PCDHGA11: variants seen among roughly 807,000 people sequenced by gnomAD.
PCDHGA11 encodes the protein protocadherin gamma subfamily A, 11.
In PCDHGA11, 39 loss-of-function variants were observed where a neutral mutation model predicts 60.4. That is an observed-to-expected ratio of 0.65 (90% CI 0.50 to 0.84). The LOEUF (loss-of-function observed/expected upper bound fraction) is 0.84. Ranked by LOEUF, PCDHGA11 falls within the 40% of genes least tolerant of loss-of-function variation. The probability of loss-of-function intolerance (pLI) is 0.00; values close to 1 mark genes in which losing one functional copy is unlikely to be tolerated. For synonymous variants in PCDHGA11, 533 were observed against 510.3 expected (o/e 1.04, Z -0.60); for missense variants, 1,165 against 1,197.7 (o/e 0.97, Z 0.40).
In PCDHGA11 at chr5:141,431,280, C is replaced by T. The variant is rs2097357763; in HGVS notation, c.2433+7620C>T. The T allele has an allele frequency of 1.9e-6, 3 of 1,614,146 alleles. No homozygotes were observed. Among genetic ancestry groups the T allele is most frequent in the South Asian group, 1.1e-5 (1 of 91,088 alleles). ...TCTCTGCAGAGCTACGAGCTCAGCC[C>T]GAACACTCACTTCTCCCTCATCGTG... On this transcript the variant is annotated intron_variant, in intron 1 of 3. Transcript: ENST00000398587. This position sits in a 1 kb window ranked among gnomAD's most constrained non-coding sequence, Gnocchi z 4.8.
chr5:141,503,654 G>C (rs1248501987), intron 2 of PCDHGA11, among the ~76,000 whole-genome samples: 1 of 150,388 alleles, frequency 6.6e-6, no homozygotes, highest in Non-Finnish European at 1.5e-5. Flanking sequence ...AATGGAAACA[G>C]AATTACAACT....
intron 1 of PCDHGA11, among the ~76,000 whole-genome samples, chr5:141,425,189 T>C (rs1042702500): frequency 2.6e-5 from 4 of 152,116 alleles, no homozygotes; most frequent in African/African-American, 7.2e-5. Flanking sequence ...AATTCCAAAC[T>C]GAGAAAAATG....
chr5:141,475,653 G>T (rs982063429), intron 1 of PCDHGA11, among the ~76,000 whole-genome samples: 2 of 152,238 alleles, frequency 1.3e-5, no homozygotes, highest in African/African-American at 2.4e-5. Context: ...CAAAGAAAGT[G>T]ATTCAAATGT....
Position 141,485,418 on chromosome 5 carries a change from G to A in PCDHGA11, c.2434-9389G>A. ...CACTTCCGTGTGGATTTGGACAGCG[G>A]AGCCCTGCTCATCAAGAACCCAATC... On this transcript the variant is annotated intron_variant, in intron 1 of 3. Transcript: ENST00000398587. This position sits in a 1 kb window ranked among gnomAD's most constrained non-coding sequence, Gnocchi z 5.7. 6.2e-7 allele frequency: 1 copy of A among 1,614,174 alleles called. No homozygotes were observed. The highest frequency in any genetic ancestry group is 8.5e-7 in the Non-Finnish European group (1 of 1,180,042).
intron 1 of PCDHGA11, chr5:141,424,584 C>T (rs919265310): frequency 3.9e-5 from 6 of 152,082 alleles, no homozygotes; most frequent in African/African-American, 1.4e-4. Flanking sequence ...TTCAAATGTG[C>T]TAAAGATGTC....
chr5:141,506,380 TG>T (rs2099852860), intron 3 of PCDHGA11, among the ~76,000 whole-genome samples: 1 of 141,314 alleles, frequency 7.1e-6, no homozygotes, highest in Non-Finnish European at 1.5e-5. Flanking sequence ...ACCTGGGAGG[TG>T]GCTGTGGTGA....
chr5:141,492,579 G>T (rs547852117), intron 1 of PCDHGA11, among the ~76,000 whole-genome samples: 2 of 152,356 alleles, frequency 1.3e-5, no homozygotes, highest in East Asian at 1.9e-4. Context: ...GAGGCGCGGG[G>T]CCAGGAGCGC....
rs754277661 is a variant in PCDHGA11, at chr5:141,421,901, G to C, written c.674G>C (p.Gly225Ala). 6.2e-7 allele frequency: 1 copy of C among 1,613,724 alleles called. No individual in the cohort carries two copies. Among genetic ancestry groups the C allele is most frequent in the East Asian group, 2.2e-5 (1 of 44,880 alleles). ...GATGGAGGCGATCCCATCCGAAAGGGCGCAGTTCCCATTCGTGTGGTGGTC... is the reference window on the plus strand; with the variant it reads ...GATGGAGGCGATCCCATCCGAAAGGCCGCAGTTCCCATTCGTGTGGTGGTC... ...ALDGGDPIRK[G>A]AVPIRVVVLD... is the part of the protein sequence containing the mutation. The change falls in exon 1 of 4, where the codon GGC becomes GCC. Residue 225 changes from glycine to alanine, a missense_variant. By Grantham distance (60) the Gly-to-Ala change is moderately conservative. Transcript: ENST00000398587.
Position 141,438,619 on chromosome 5 carries a change from T to C in PCDHGA11, c.2433+14959T>C, listed in dbSNP as rs1053855444. Reference sequence around the variant, plus strand: ...ATATATATATATATATATATATATATATATATATATATATATACACACACA... The same window carrying C: ...ATATATATATATATATATATATATACATATATATATATATATACACACACA... On this transcript the variant is annotated intron_variant, in intron 1 of 3. Transcript: ENST00000398587. 1.0e-4 allele frequency among the ~76,000 whole-genome samples: 4 copies of C among 39,678 alleles called. No homozygotes were observed. The East Asian group carries it at 2.5e-3, about 25-fold the overall frequency. The allele number at this position is 39,678 out of a possible 152,430, so 26.0% of individuals were successfully genotyped here.
chr5:141,489,893 G>A lies in PCDHGA11; in HGVS notation c.2434-4914G>A. ...CTGGTGCTTACTGCTGTGGATGGGG[G>A]GACCCCAGCCCGCTCAGGGACCACC... On this transcript the variant is annotated intron_variant, in intron 1 of 3. Transcript: ENST00000398587. This position sits in a 1 kb window ranked among gnomAD's most constrained non-coding sequence, Gnocchi z 4.5. 6.2e-7 allele frequency: 1 copy of A among 1,614,190 alleles called. No individual in the cohort carries two copies. Among genetic ancestry groups the A allele is most frequent in the South Asian group, 1.1e-5 (1 of 91,084 alleles).
At chr5:141,474,745 C>T (rs935430941) in intron 1 of PCDHGA11, among the ~76,000 whole-genome samples, 2 of 152,174 alleles carry the variant, frequency 1.3e-5, no homozygotes, top group East Asian at 3.9e-4. Context: ...AAGTGATGTC[C>T]AAGACAAATA....
chr5:141,478,617 G>A (rs1010415342), intron 1 of PCDHGA11: 1 of 1,556,398 alleles, frequency 6.4e-7, no homozygotes, highest in Non-Finnish European at 8.7e-7. Context: ...AGGAAGGAAT[G>A]GAGCTGTTTT....
intron 2 of PCDHGA11, among the ~76,000 whole-genome samples, chr5:141,501,015 C>T (rs950216755): frequency 6.6e-5 from 10 of 151,866 alleles, no homozygotes; most frequent in African/African-American, 2.4e-4. Context: ...ACTACAGGCA[C>T]GCGCCACCAC....
chr5:141,450,468 A>G (rs1187171122), intron 1 of PCDHGA11, among the ~76,000 whole-genome samples: 2 of 151,696 alleles, frequency 1.3e-5, no homozygotes, highest in African/African-American at 4.9e-5. Flanking sequence ...TTTTATATAT[A>G]GAGTTTGTTT....
intron 1 of PCDHGA11, among the ~76,000 whole-genome samples, chr5:141,470,014 A>G (rs1394478856): frequency 6.6e-6 from 1 of 152,200 alleles, no homozygotes; most frequent in Non-Finnish European, 1.5e-5. Flanking sequence ...CTGTAATCCC[A>G]GCTACTCGGG....
In PCDHGA11 at chr5:141,488,435, C is replaced by T. The variant is rs111661764; in HGVS notation, c.2434-6372C>T. Among the ~76,000 whole-genome samples, 87 of 152,276 alleles carry T rather than the reference C, an allele frequency of 5.7e-4. 1 individual carries two copies. The highest frequency in any genetic ancestry group is 1.6e-3 in the African/African-American group (67 of 41,546). On this transcript the variant is annotated intron_variant, in intron 1 of 3. Transcript: ENST00000398587. ...AAGCCATCCATGCTTGGCCTCTGAC[C>T]ACCCTCCTGGGTGACCTGATTCAGC...
chr5:141,478,716 G>T, intron 1 of PCDHGA11: 1 of 1,545,206 alleles, frequency 6.5e-7, no homozygotes. Flanking sequence ...TGAGATGGTG[G>T]CCTGCCAGAG....
intron 2 of PCDHGA11, 34 bp from the exon 3 acceptor site, chr5:141,505,359 G>T: frequency 1.9e-6 from 3 of 1,613,870 alleles, no homozygotes; most frequent in Non-Finnish European, 2.5e-6. Context: ...TGCCGGCCTG[G>T]GAGTCTGTGC....
Position 141,422,195 on chromosome 5 carries a change from A to G in PCDHGA11, c.968A>G (p.Gln323Arg). The G allele has an allele frequency of 6.4e-7, 1 of 1,562,278 alleles. No individual in the cohort carries two copies. Among genetic ancestry groups the G allele is most frequent in the African/African-American group, 1.4e-5 (1 of 72,798 alleles). The stretch of plus-strand genomic sequence containing the variant: ...TTCTATGAGATGGAAATTCAAGGCC[A>G]AGATGGTGGAGGTCTCTTTACCACC... ...YRFYEMEIQG[Q>R]DGGGLFTTTT... Residue 323 changes from glutamine (Q) to arginine (R), a missense_variant, in exon 1 of 4, where the codon CAA becomes CGA. Gln to Arg is a conservative substitution (Grantham distance 43). Transcript: ENST00000398587.
Sources: gnomAD v4.1 joint callset for allele counts (sites outside exome capture counted in the v4.1 genomes callset) on GRCh38, gnomAD v4.1.1 for gene constraint, Gnocchi (gnomAD v3.1) non-coding constraint, MANE v1.5 for transcripts, NCBI Gene and HGNC (gene_info 2026-07-23, HGNC 2026-07-21) for gene names.